PIP5K1A: variants seen among roughly 807,000 people sequenced by gnomAD.
PIP5K1A encodes the protein phosphatidylinositol-4-phosphate 5-kinase type 1 alpha.
In PIP5K1A, 46 loss-of-function variants were observed where a neutral mutation model predicts 72.9. That is an observed-to-expected ratio of 0.63 (90% CI 0.50 to 0.81). PIP5K1A has a LOEUF of 0.81. PIP5K1A is among the 30% of genes least tolerant of loss of function. PIP5K1A has a pLI of 0.00. For synonymous variants in PIP5K1A, 228 were observed against 255.1 expected (o/e 0.89, Z 1.01); for missense variants, 458 against 706.1 (o/e 0.65, Z 3.98).
In PIP5K1A at chr1:151,199,100, G is replaced by T. The variant is rs758507757; in HGVS notation, c.85+19G>T. The T allele has an allele frequency of 6.2e-7, 1 of 1,613,970 alleles. No individual in the cohort carries two copies. Among genetic ancestry groups the T allele is most frequent in the East Asian group, 2.2e-5 (1 of 44,876 alleles). Reference sequence around the variant, plus strand: ...TCCTCAGGTAAGCCCGGCAGGGCGTGGGTAGGGAGCTGGTGAGGAATATGC... The same window carrying T: ...TCCTCAGGTAAGCCCGGCAGGGCGTTGGTAGGGAGCTGGTGAGGAATATGC... On this transcript the variant is annotated intron_variant, in intron 1 of 15. Transcript: ENST00000368888.
At chr1:151,240,688 G>A (rs1691554739) in intron 12 of PIP5K1A, among the ~76,000 whole-genome samples, 1 of 152,152 alleles carries the variant, frequency 6.6e-6, no homozygotes, top group South Asian at 2.1e-4. Context: ...AGCACTTTGG[G>A]AGACCAAGGC....
chr1:151,205,919 A>G (rs1021894207), intron 1 of PIP5K1A, among the ~76,000 whole-genome samples: 1 of 152,156 alleles, frequency 6.6e-6, no homozygotes, highest in African/African-American at 2.4e-5. Context: ...ATGGCCAGGT[A>G]GAGAGGGAAT....
intron 8 of PIP5K1A, 128 bp from the exon 9 acceptor site, chr1:151,236,430 C>G: frequency 1.6e-6 from 1 of 629,880 alleles, no homozygotes; most frequent in Non-Finnish European, 2.7e-6. Flanking sequence ...GAGCCGAGAT[C>G]ACACCACTGC....
chr1:151,236,833 T>TC (rs1481835905), intron 9 of PIP5K1A, 70 bp downstream of exon 9: 36 of 1,092,406 alleles, frequency 3.3e-5, no homozygotes, highest in Non-Finnish European at 4.4e-5. Flanking sequence ...TTTTTTTTTT[T>TC]TTTTTTTTTT....
chr1:151,247,011 A>G, intron 15 of PIP5K1A, 46 bp downstream of exon 15: 1 of 1,430,894 alleles, frequency 7.0e-7, no homozygotes, highest in Non-Finnish European at 9.8e-7. Flanking sequence ...GCAAGGTATA[A>G]AGAGGATCAC....
rs1338946330 is a variant in PIP5K1A, at chr1:151,215,363, C to T, written c.86-8882C>T. Among the ~76,000 whole-genome samples, 3 of 141,966 alleles carry T rather than the reference C, an allele frequency of 2.1e-5. No homozygotes were observed. In the South Asian group the frequency reaches 7.1e-4, roughly 34 times the overall value. The allele number at this position is 141,966 out of a possible 152,430, so 93.1% of individuals were successfully genotyped here. On this transcript the variant is annotated intron_variant, in intron 1 of 15. Transcript: ENST00000368888. The stretch of plus-strand genomic sequence containing the variant: ...TTTTTTTTTTTTTGAAAAGGAGTCT[C>T]ATTGTGTCATCCAGCCTGGAGTGCA...
At chr1:151,235,136 G>A (rs990166852) in intron 8 of PIP5K1A, among the ~76,000 whole-genome samples, 1 of 152,154 alleles carries the variant, frequency 6.6e-6, no homozygotes, top group African/African-American at 2.4e-5. Context: ...AGGCTGGAGT[G>A]CAATGGCACG....
At chr1:151,197,729 G>A (rs1313851298), upstream of PIP5K1A, among the ~76,000 whole-genome samples, 1 of 152,222 alleles carries the variant, frequency 6.6e-6, no homozygotes, top group Non-Finnish European at 1.5e-5. Context: ...AGTCACTGGA[G>A]GAGCTGGAGA....
In PIP5K1A at chr1:151,236,714, T is replaced by G. The variant is rs1275360280; in HGVS notation, c.1096T>G (p.Ser366Ala). ...QKALYSTAME[S>A]IQGEARRGGT... is the part of the protein sequence containing the mutation. ...GGCTCTGTATTCCACAGCCATGGAATCCATCCAGGGAGAGGCTCGACGGGG... is the reference window on the plus strand; with the variant it reads ...GGCTCTGTATTCCACAGCCATGGAAGCCATCCAGGGAGAGGCTCGACGGGG... The change falls in exon 9 of 16, where the codon TCC becomes GCC. Residue 366 changes from serine to alanine, a missense_variant. Ser to Ala is a moderately conservative substitution (Grantham distance 99). Transcript: ENST00000368888. 6.2e-7 allele frequency: 1 copy of G among 1,613,488 alleles called. No homozygotes were observed. Among genetic ancestry groups the G allele is most frequent in the Admixed American group, 1.7e-5 (1 of 59,948 alleles).
At chr1:151,202,779 T>TC (rs1338049325) in intron 1 of PIP5K1A, among the ~76,000 whole-genome samples, 19 of 141,058 alleles carry the variant, frequency 1.3e-4, no homozygotes, top group Non-Finnish European at 1.5e-5. Flanking sequence ...AGTAAAGTCT[T>TC]TTTTTTTTTT....
intron 5 of PIP5K1A, 43 bp downstream of exon 5, chr1:151,231,844 C>T: frequency 6.2e-7 from 1 of 1,601,630 alleles, no homozygotes. Context: ...GAAATGTGGC[C>T]TTTTCAAATC....
intron 15 of PIP5K1A, among the ~76,000 whole-genome samples, chr1:151,247,511 C>T (rs1692682631): frequency 1.3e-5 from 2 of 152,048 alleles, no homozygotes; most frequent in African/African-American, 2.4e-5. Flanking sequence ...CTGCAAGCTA[C>T]GCCTCCCAGG....
intron 1 of PIP5K1A, among the ~76,000 whole-genome samples, chr1:151,205,472 CCTCT>C (rs1309010385): frequency 6.6e-6 from 1 of 151,868 alleles, no homozygotes; most frequent in African/African-American, 2.4e-5. Context: ...TACTGCCCGG[CCTCT>C]CTCCTAGAAT....
intron 4 of PIP5K1A, among the ~76,000 whole-genome samples, chr1:151,227,759 G>A (rs1411011563): frequency 6.6e-6 from 1 of 152,002 alleles, no homozygotes; most frequent in African/African-American, 2.4e-5. Flanking sequence ...GGTGGCACAC[G>A]CTTGTGGTCC....
At chr1:151,223,360 A>C (rs1322376298) in intron 1 of PIP5K1A, among the ~76,000 whole-genome samples, 1 of 149,544 alleles carries the variant, frequency 6.7e-6, no homozygotes, top group Non-Finnish European at 1.5e-5. Context: ...AAAAAAAAAA[A>C]AAAGGCCGGG....
intron 14 of PIP5K1A, among the ~76,000 whole-genome samples, chr1:151,244,416 G>C (rs1692197570): frequency 6.6e-6 from 1 of 152,232 alleles, no homozygotes; most frequent in Non-Finnish European, 1.5e-5. Context: ...ACTTGTGAGA[G>C]GTAGAGGCGG....
At chr1:151,246,568 TGAGAA>T (rs1425352882) in intron 14 of PIP5K1A, among the ~76,000 whole-genome samples, 2 of 152,136 alleles carry the variant, frequency 1.3e-5, no homozygotes, top group Non-Finnish European at 2.9e-5. Flanking sequence ...ATTCTGTTCA[TGAGAA>T]GAGAATCACT....
At chr1:151,222,233 T>TA (rs1361707088) in intron 1 of PIP5K1A, among the ~76,000 whole-genome samples, 1 of 152,254 alleles carries the variant, frequency 6.6e-6, no homozygotes, top group Admixed American at 6.5e-5. Flanking sequence ...TGTGTCCTGA[T>TA]TCTGCTCCTC....
chr1:151,206,015 G>A (rs6695344), intron 1 of PIP5K1A, among the ~76,000 whole-genome samples: 91,701 of 151,786 alleles, frequency 0.6, 27,911 homozygotes, highest in Middle Eastern at 0.67. Context: ...TAAGAAGCCC[G>A]TTTCCCCTAT....
Sources: allele counts gnomAD v4.1 joint callset (sites outside exome capture counted in the v4.1 genomes callset), GRCh38; gene constraint gnomAD v4.1.1; transcripts MANE v1.5; gene names NCBI Gene and HGNC (gene_info 2026-07-23, HGNC 2026-07-21).